Variants in BCKDHB observed in about 807,000 individuals in gnomAD.
BCKDHB encodes branched chain keto acid dehydrogenase E1 subunit beta.
In BCKDHB, 41 loss-of-function variants were observed where a neutral mutation model predicts 48.5. That is an observed-to-expected ratio of 0.85 (90% confidence interval 0.66 to 1.10). The LOEUF (loss-of-function observed/expected upper bound fraction) is 1.10. Among genes scored for constraint, BCKDHB ranks in the 50% least tolerant of loss-of-function variants. The pLI, the probability that BCKDHB is intolerant of heterozygous loss-of-function variation, is 0.00. For missense variants in BCKDHB, 496 were observed against 494.2 expected (o/e 1.00, Z -0.03); for synonymous variants, 201 against 174.8 (o/e 1.15, Z -1.18).
chr6:80,279,422 C>T (rs1778107057), intron 9 of BCKDHB, among the ~76,000 whole-genome samples: 1 of 152,164 alleles, frequency 6.6e-6, no homozygotes, highest in South Asian at 2.1e-4. Context: ...TTCCAAAGTG[C>T]TGGGATTACA....
chr6:80,251,515 T>C (rs1347976663), intron 8 of BCKDHB, among the ~76,000 whole-genome samples: 1 of 152,220 alleles, frequency 6.6e-6, no homozygotes, highest in Non-Finnish European at 1.5e-5. Context: ...AGTCTGTCCC[T>C]GAAGGGGGTG....
the BCKDHB span, among the ~76,000 whole-genome samples, chr6:80,406,283 C>T: frequency 6.6e-6 from 1 of 152,202 alleles, no homozygotes; most frequent in African/African-American, 2.4e-5. Context: ...CCGCAATAAA[C>T]ATATGTGTGC....
At chr6:80,324,455 G>T (rs1768926595) in intron 9 of BCKDHB, among the ~76,000 whole-genome samples, 1 of 152,030 alleles carries the variant, frequency 6.6e-6, no homozygotes, top group South Asian at 2.1e-4. Flanking sequence ...ATAAGTTTTG[G>T]TAGTGAAAGG....
the BCKDHB span, among the ~76,000 whole-genome samples, chr6:80,379,454 A>G: frequency 1.1e-4 from 17 of 152,064 alleles, no homozygotes; most frequent in Non-Finnish European, 2.1e-4. Context: ...TCTCAAAATA[A>G]TAAGAGCCAT....
chr6:80,137,181 T>C (rs1459635203), intron 3 of BCKDHB, among the ~76,000 whole-genome samples: 1 of 152,192 alleles, frequency 6.6e-6, no homozygotes, highest in African/African-American at 2.4e-5. Context: ...TCATTTACTT[T>C]AGTTTTTCTT....
rs1401813133 is a variant in BCKDHB at position 80,240,024 on chromosome 6, A to G, written c.952-33111A>G. Among the ~76,000 whole-genome samples the G allele has an allele frequency of 6.6e-5, 10 of 152,306 alleles. No homozygotes were observed. The East Asian group carries it at 1.9e-3, about 29-fold the overall frequency. Reference sequence around the variant, plus strand: ...GCTGTAGCCTTGTAGTATAGTTTGAAGTCAGGTAGCATGATGCCTCCAGCT... The same window carrying G: ...GCTGTAGCCTTGTAGTATAGTTTGAGGTCAGGTAGCATGATGCCTCCAGCT... On this transcript the variant is annotated intron_variant, in intron 8 of 9. Transcript: ENST00000320393.
chr6:80,462,670 A>G, the BCKDHB span, among the ~76,000 whole-genome samples: 18 of 152,180 alleles, frequency 1.2e-4, no homozygotes, highest in Non-Finnish European at 2.1e-4. Flanking sequence ...TATGGCCCCC[A>G]TAATCTCTGA....
At chr6:80,384,579 G>C in the BCKDHB span, among the ~76,000 whole-genome samples, 2 of 151,974 alleles carry the variant, frequency 1.3e-5, no homozygotes, top group African/African-American at 4.8e-5. Flanking sequence ...CGCTGGTCTT[G>C]AACTCCTGAT....
chr6:80,179,434 T>C (rs1003392460), intron 6 of BCKDHB, among the ~76,000 whole-genome samples: 1 of 152,160 alleles, frequency 6.6e-6, no homozygotes, highest in Non-Finnish European at 1.5e-5. Context: ...CAATACAGTA[T>C]AGCAGCCATT....
At chr6:80,205,090 G>A (rs67632695) in intron 8 of BCKDHB, among the ~76,000 whole-genome samples, 12,306 of 152,032 alleles carry the variant, frequency 0.081, 577 homozygotes, top group South Asian at 0.1. Flanking sequence ...GACTCTCTTC[G>A]TTGCTGATGA....
intron 9 of BCKDHB, among the ~76,000 whole-genome samples, chr6:80,276,475 A>G (rs1361134433): frequency 6.6e-6 from 1 of 151,966 alleles, no homozygotes; most frequent in East Asian, 1.9e-4. Context: ...ATATAAAATT[A>G]AATATCAAAT....
At chr6:80,196,096 A>G (rs1411640150) in intron 6 of BCKDHB, among the ~76,000 whole-genome samples, 1 of 152,112 alleles carries the variant, frequency 6.6e-6, no homozygotes, top group African/African-American at 2.4e-5. Context: ...TCACAGGGAA[A>G]CTTGTGTTGT....
At chr6:80,189,315 C>T (rs902064670) in intron 6 of BCKDHB, among the ~76,000 whole-genome samples, 3 of 152,128 alleles carry the variant, frequency 2.0e-5, no homozygotes, top group South Asian at 2.1e-4. Context: ...TAAAAATTTA[C>T]TGTGTGCAAC....
chr6:80,401,654 G>A, the BCKDHB span, among the ~76,000 whole-genome samples: 1 of 151,646 alleles, frequency 6.6e-6, no homozygotes. Flanking sequence ...CTTAGCTATA[G>A]GCACTAAGCT....
chr6:80,254,731 A>G lies in BCKDHB; in HGVS notation c.952-18404A>G, dbSNP rs534142614. Among the ~76,000 whole-genome samples, 12 of 152,226 alleles carry G rather than the reference A, an allele frequency of 7.9e-5. No individual in the cohort carries two copies. In the South Asian group the frequency reaches 1.9e-3, roughly 24 times the overall value. ...AAACACAACACAATAAAACAAAACCAAAAACTACAAGACAAAGAAGGCTAA... is the reference window on the plus strand; with the variant it reads ...AAACACAACACAATAAAACAAAACCGAAAACTACAAGACAAAGAAGGCTAA... On this transcript the variant is annotated intron_variant, in intron 8 of 9. Transcript: ENST00000320393.
intron 8 of BCKDHB, among the ~76,000 whole-genome samples, chr6:80,217,604 C>G (rs188803508): frequency 6.6e-6 from 1 of 152,078 alleles, no homozygotes; most frequent in Non-Finnish European, 1.5e-5. Flanking sequence ...GCTTATAATG[C>G]AAAGTATCAT....
intron 8 of BCKDHB, among the ~76,000 whole-genome samples, chr6:80,223,728 G>A (rs1165647159): frequency 6.6e-6 from 1 of 152,174 alleles, no homozygotes; most frequent in African/African-American, 2.4e-5. Flanking sequence ...GATACGATAT[G>A]TAGTAACAGT....
the BCKDHB span, among the ~76,000 whole-genome samples, chr6:80,408,335 C>A: frequency 6.6e-6 from 1 of 152,022 alleles, no homozygotes; most frequent in South Asian, 2.1e-4. Flanking sequence ...TGTGTGTCTG[C>A]CAGGCTTTGG....
chr6:80,315,715 C>T (rs1768413720), intron 9 of BCKDHB, among the ~76,000 whole-genome samples: 1 of 152,032 alleles, frequency 6.6e-6, no homozygotes, highest in Non-Finnish European at 1.5e-5. Flanking sequence ...AACTCCTGGG[C>T]TCAAGGAATC....
Sources: allele counts gnomAD v4.1 joint callset (sites outside exome capture counted in the v4.1 genomes callset), GRCh38; gene constraint gnomAD v4.1.1; transcripts MANE v1.5; gene names NCBI Gene and HGNC (gene_info 2026-07-23, HGNC 2026-07-21).